Variants in PPM1A observed in about 807,000 individuals in gnomAD.
The protein encoded by PPM1A is protein phosphatase 1A.
PPM1A carries 7 observed loss-of-function variants against 35.0 expected under a neutral mutation model. The ratio of observed to expected loss-of-function variants is 0.20; its 90% CI spans 0.11 to 0.38. The LOEUF (loss-of-function observed/expected upper bound fraction) is 0.38. Among genes scored for constraint, PPM1A ranks in the 10% least tolerant of loss-of-function variants. The pLI, the probability that PPM1A is intolerant of heterozygous loss-of-function variation, is 1.00. For synonymous variants in PPM1A, 153 were observed against 167.3 expected, an observed-to-expected ratio of 0.91 and a Z score of 0.66; for missense variants, 239 against 467.8, an observed-to-expected ratio of 0.51 and a Z score of 4.51.
At chr14:60,251,535 A>T (rs920230492) in intron 1 of PPM1A, among the ~76,000 whole-genome samples, 1 of 152,190 alleles carries the variant, frequency 6.6e-6, no homozygotes, top group Admixed American at 6.5e-5. Context: ...TAACCTTTTG[A>T]GTTTCAGCTT....
Position 60,282,828 on chromosome 14 carries a change from C to A in PPM1A, c.125C>A (p.Ala42Asp), listed in dbSNP as rs1307836090. The change falls in exon 2 of 6, where the codon GCT (alanine) becomes GAT (aspartate). Residue 42 changes from alanine to aspartate, a missense_variant. Coordinates refer to ENST00000395076, the MANE Select transcript of PPM1A (RefSeq NM_021003.5). This position sits in a 1 kb window ranked among gnomAD's most constrained non-coding sequence, Gnocchi z 5.1. ...WRVEMEDAHTAVIGLPSGLES... is the reference protein window; with the variant it reads ...WRVEMEDAHTDVIGLPSGLES... ...GTTGAAATGGAGGATGCACATACGG[C>A]TGTGATCGGTTTGCCAAGTGGACTT... 1.2e-6 allele frequency: 2 copies of A among 1,614,214 alleles called. No homozygotes were observed. The highest frequency in any genetic ancestry group is 1.7e-6 in the Non-Finnish European group (2 of 1,180,054).
chr14:60,262,354 G>T (rs1883837567), intron 1 of PPM1A, among the ~76,000 whole-genome samples: 1 of 152,130 alleles, frequency 6.6e-6, no homozygotes, highest in South Asian at 2.1e-4. Flanking sequence ...AATATTTTTA[G>T]TGCTGAGGGA....
rs1884636801 is a variant in PPM1A at position 60,268,323 on chromosome 14, A to C, written c.-20-14361A>C. On this transcript the variant is annotated intron_variant, in intron 1 of 5. Coordinates refer to ENST00000395076, the MANE Select transcript of PPM1A (RefSeq NM_021003.5). ...TGGTCTTCACTCTAGCACTAATTGAAAAAAAAAAAATTTGTTTTCCGAGAA... is the reference window on the plus strand; with the variant it reads ...TGGTCTTCACTCTAGCACTAATTGACAAAAAAAAAATTTGTTTTCCGAGAA... 3.1e-6 allele frequency: 3 copies of C among 970,214 alleles called. 1 individual carries two copies. The South Asian group carries it at 1.4e-4, about 46-fold the overall frequency. 60.1% of individuals were successfully genotyped at this position (970,214 alleles called of 1,614,324 possible). A position where few individuals can be genotyped will look rare whatever the true frequency, so the allele number is the denominator to read the frequency against.
chr14:60,249,680 A>G lies in PPM1A; in HGVS notation c.-21+3A>G, dbSNP rs1014544350. The G allele has an allele frequency of 6.1e-6, 6 of 982,182 alleles. No homozygotes were observed. The highest frequency in any genetic ancestry group is 3.6e-6 in the Non-Finnish European group (3 of 829,100). 60.8% of individuals were successfully genotyped at this position (982,182 alleles called of 1,614,324 possible). A position where few individuals can be genotyped will look rare whatever the true frequency, so the allele number is the denominator to read the frequency against. ...CTGCCCGCCTGCGGCTGCTCCGGGT[A>G]AGTGCGGCGCTCGGGCCGACGGCGG... is the stretch of plus-strand genomic sequence containing the variant. On this transcript the variant is annotated splice_donor_region_variant and intron_variant, in intron 1 of 5. Coordinates refer to ENST00000395076, the MANE Select transcript of PPM1A (RefSeq NM_021003.5). This position sits in a 1 kb window ranked among gnomAD's most constrained non-coding sequence, Gnocchi z 4.5.
chr14:60,287,198 T>TG, intron 3 of PPM1A: 20 of 946,762 alleles, frequency 2.1e-5, no homozygotes, highest in Non-Finnish European at 2.5e-5. Flanking sequence ...TGTGTACACT[T>TG]TAAGTTTTAG....
At chr14:60,260,583 G>C (rs1221125744) in intron 1 of PPM1A, among the ~76,000 whole-genome samples, 2 of 152,036 alleles carry the variant, frequency 1.3e-5, no homozygotes, top group Admixed American at 1.3e-4. Flanking sequence ...CAGTTCAGTA[G>C]TCTTTAGTAT....
At chr14:60,248,510 T>A (rs111964650), upstream of PPM1A, 1,024 of 152,572 alleles carry the variant, frequency 6.7e-3, 5 homozygotes, top group Non-Finnish European at 0.011. Context: ...CGTGCTTGTG[T>A]CTCTGCCCTT....
chr14:60,264,035 G>T (rs548806955), intron 1 of PPM1A, among the ~76,000 whole-genome samples: 1 of 151,154 alleles, frequency 6.6e-6, no homozygotes, highest in South Asian at 2.1e-4. Flanking sequence ...ATTTTTACCA[G>T]TTTCTTTACT....
upstream of PPM1A, among the ~76,000 whole-genome samples, chr14:60,247,049 A>G (rs888457910): frequency 6.6e-6 from 1 of 152,210 alleles, no homozygotes. Flanking sequence ...CTGCTTATAA[A>G]TAAGAAAATT....
intron 1 of PPM1A, among the ~76,000 whole-genome samples, chr14:60,278,909 A>G (rs773811029): frequency 6.6e-6 from 1 of 152,180 alleles, no homozygotes; most frequent in African/African-American, 2.4e-5. Flanking sequence ...AACATTGACT[A>G]TTATGGTTCT....
chr14:60,250,457 C>A, intron 1 of PPM1A: 6 of 982,212 alleles, frequency 6.1e-6, no homozygotes, highest in Non-Finnish European at 7.3e-6. Flanking sequence ...GTTTTAGATA[C>A]GTTTTGAAAA....
At chr14:60,260,544 T>C (rs905300216) in intron 1 of PPM1A, among the ~76,000 whole-genome samples, 7 of 152,142 alleles carry the variant, frequency 4.6e-5, no homozygotes, top group African/African-American at 1.2e-4. Flanking sequence ...ATAATTCACA[T>C]AGCGTAACAT....
chr14:60,274,221 T>C (rs987246933), intron 1 of PPM1A, among the ~76,000 whole-genome samples: 1 of 152,104 alleles, frequency 6.6e-6, no homozygotes, highest in Non-Finnish European at 1.5e-5. Flanking sequence ...AGAGTGTTTC[T>C]GGAGGGAGTG....
chr14:60,245,754 T>A, upstream of PPM1A: 1 of 1,147,970 alleles, frequency 8.7e-7, no homozygotes, highest in African/African-American at 1.6e-5. The surrounding 1 kb of genome is among the most constrained non-coding windows in gnomAD (Gnocchi z 4.2). Flanking sequence ...TTTCTCATAA[T>A]GTATTATGAT....
rs746394415 is a variant in PPM1A, at chr14:60,298,784, A to G, written c.*6302A>G. On this transcript the variant is annotated 3_prime_UTR_variant, in exon 6 of 6. Coordinates refer to ENST00000395076, the MANE Select transcript of PPM1A (RefSeq NM_021003.5). ...AATGTTAAGAATAATATAATTGCAG[A>G]AATATTTTTCTTAAATACAATGTGT... is the stretch of plus-strand genomic sequence containing the variant. 3.9e-5 allele frequency: 6 copies of G among 151,978 alleles called. No individual in the cohort carries two copies. Among genetic ancestry groups the G allele is most frequent in the Non-Finnish European group, 7.4e-5 (5 of 67,762 alleles). The allele number at this position is 151,978 out of a possible 1,614,324, so 9.4% of individuals were successfully genotyped here.
chr14:60,288,463 A>T (rs1465004507), intron 3 of PPM1A: 1 of 983,312 alleles, frequency 1.0e-6, no homozygotes, highest in Non-Finnish European at 1.2e-6. Flanking sequence ...AAATCCCTTT[A>T]TTTTTGTACA....
intron 1 of PPM1A, among the ~76,000 whole-genome samples, chr14:60,281,897 G>A (rs1451599751): frequency 1.3e-5 from 2 of 152,082 alleles, no homozygotes; most frequent in African/African-American, 4.8e-5. Flanking sequence ...ATGATTAATA[G>A]ATTACTAGTA....
Position 60,297,331 on chromosome 14 carries a change from C to T in PPM1A, c.*4849C>T, listed in dbSNP as rs1888131824. ...AAGCCATAGGAAAGTCTTCCTTGTA[C>T]GTGGCTGTAAATTTATAAGAACTAT... On this transcript the variant is annotated 3_prime_UTR_variant, in exon 6 of 6. Transcript: ENST00000395076. The T allele has an allele frequency of 1.3e-5, 2 of 151,558 alleles. No homozygotes were observed. Among genetic ancestry groups the T allele is most frequent in the African/African-American group, 4.8e-5 (2 of 41,386 alleles). 9.4% of individuals were successfully genotyped at this position (151,558 alleles called of 1,614,324 possible). A position where few individuals can be genotyped will look rare whatever the true frequency, so the allele number is the denominator to read the frequency against.
At position 60,253,965 on chromosome 14, in the gene PPM1A, GT is replaced by G. The variant is rs201628486; in HGVS notation, c.-21+4297del. 6.6e-5 allele frequency among the ~76,000 whole-genome samples: 10 copies of G among 151,224 alleles called. No individual in the cohort carries two copies. In the South Asian group the frequency reaches 8.3e-4, roughly 13 times the overall value. On this transcript the variant is annotated intron_variant, in intron 1 of 5. Transcript: ENST00000395076. ...GTAAGCTACTTGATTTCTTAAACCT[GT>G]TTTTTTTTATGTCAAGTGGAAATAC...
Sources: gnomAD v4.1 joint callset for allele counts (sites outside exome capture counted in the v4.1 genomes callset) on GRCh38, gnomAD v4.1.1 for gene constraint, Gnocchi (gnomAD v3.1) non-coding constraint, MANE v1.5 for transcripts, NCBI Gene and HGNC (gene_info 2026-07-23, HGNC 2026-07-21) for gene names.